SHANK2: variants seen among roughly 807,000 people sequenced by gnomAD.
SHANK2 encodes the protein SH3 and multiple ankyrin repeat domains 2.
SHANK2 carries 43 observed loss-of-function variants against 133.7 expected under a neutral mutation model. The observed-to-expected ratio is 0.32, with a 90% CI of 0.25 to 0.41. The LOEUF is 0.41. SHANK2 is among the 10% of genes least tolerant of loss of function. The pLI is 1.00. For synonymous variants in SHANK2, 1,017 were observed against 952.8 expected, an observed-to-expected ratio of 1.07 and a Z score of -1.24; for missense variants, 1,994 against 2,235.8, an observed-to-expected ratio of 0.89 and a Z score of 2.18.
At chr11:70,572,062 G>A (rs1003861850) in intron 17 of SHANK2, among the ~76,000 whole-genome samples, 46 of 152,222 alleles carry the variant, frequency 3.0e-4, no homozygotes, top group African/African-American at 9.6e-4. Context: ...CACAGCGTGA[G>A]AAGGCGGCCA....
intron 14 of SHANK2, among the ~76,000 whole-genome samples, chr11:70,732,857 GC>G (rs1555032587): frequency 6.6e-6 from 1 of 152,262 alleles, no homozygotes; most frequent in African/African-American, 2.4e-5. Flanking sequence ...CAGGGGACAG[GC>G]CTGCCGGCTC....
chr11:70,674,190 C>T (rs2134346684), intron 15 of SHANK2, among the ~76,000 whole-genome samples: 1 of 152,318 alleles, frequency 6.6e-6, no homozygotes, highest in Non-Finnish European at 1.5e-5. Context: ...CTGAAGCTCT[C>T]ACCAGAAGCA....
At chr11:70,574,468 C>G (rs572764437) in intron 17 of SHANK2, among the ~76,000 whole-genome samples, 1 of 152,362 alleles carries the variant, frequency 6.6e-6, no homozygotes, top group South Asian at 2.1e-4. Flanking sequence ...CCTAATGTCT[C>G]CCATTCATTC....
chr11:71,085,230 G>C (rs1004214204), intron 8 of SHANK2, among the ~76,000 whole-genome samples: 1 of 151,812 alleles, frequency 6.6e-6, no homozygotes, highest in Non-Finnish European at 1.5e-5. Flanking sequence ...GTTGAGGAGG[G>C]CAGATCACTT....
rs117425904 is a variant in SHANK2, at chr11:70,765,910, C to A, written c.1777+32533G>T. Among the ~76,000 whole-genome samples the A allele has an allele frequency of 3.6e-3, 554 of 152,274 alleles. 5 individuals are homozygous for A. Among genetic ancestry groups the A allele is most frequent in the East Asian group, 0.028 (147 of 5,180 alleles). On this transcript the variant is annotated intron_variant, in intron 14 of 25. Coordinates refer to ENST00000601538, the MANE Select transcript of SHANK2 (RefSeq NM_012309.5). Reference sequence around the variant, plus strand: ...TGGGAGGAAGTAGAGGACATCTGTACGGGGTGAGCACCTTGGAAACGGGAA... The same window carrying A: ...TGGGAGGAAGTAGAGGACATCTGTAAGGGGTGAGCACCTTGGAAACGGGAA...
At chr11:70,855,928 T>C (rs1264349106) in intron 11 of SHANK2, among the ~76,000 whole-genome samples, 4 of 151,970 alleles carry the variant, frequency 2.6e-5, no homozygotes, top group African/African-American at 9.7e-5. Context: ...GATGAATGCA[T>C]GGATAGAGAG....
intron 8 of SHANK2, among the ~76,000 whole-genome samples, chr11:71,081,794 C>G (rs1951304196): frequency 6.6e-6 from 1 of 152,226 alleles, no homozygotes; most frequent in Non-Finnish European, 1.5e-5. Context: ...CCTGAAAGCA[C>G]AGCTCACTGT....
Position 71,098,228 on chromosome 11 carries a change from T to C in SHANK2, c.593-3540A>G, listed in dbSNP as rs192785377. On this transcript the variant is annotated intron_variant, in intron 6 of 25. Transcript: ENST00000601538. The stretch of plus-strand genomic sequence containing the variant: ...CTGTGCGTGTGCATGCCTGTGTGTC[T>C]ACATGCCTGTGTGCATGTGCATGCC... Among the ~76,000 whole-genome samples, 2 of 151,376 alleles carry C rather than the reference T, an allele frequency of 1.3e-5. 1 individual carries two copies. Among genetic ancestry groups the C allele is most frequent in the East Asian group, 3.9e-4 (2 of 5,094 alleles).
intron 3 of SHANK2, among the ~76,000 whole-genome samples, chr11:71,120,862 C>A (rs1952072809): frequency 6.6e-6 from 1 of 152,202 alleles, no homozygotes; most frequent in African/African-American, 2.4e-5. Context: ...CCCATGGCTC[C>A]CTCCCTGACA....
At chr11:71,129,911 A>G (rs1952266342) in intron 3 of SHANK2, among the ~76,000 whole-genome samples, 1 of 152,130 alleles carries the variant, frequency 6.6e-6, no homozygotes, top group Non-Finnish European at 1.5e-5. Flanking sequence ...CCCATTCTGG[A>G]AGCCATAAGT....
intron 1 of SHANK2, among the ~76,000 whole-genome samples, chr11:71,228,285 A>G (rs1954677166): frequency 6.6e-6 from 1 of 152,250 alleles, no homozygotes; most frequent in Admixed American, 6.5e-5. Flanking sequence ...TTTTTTTGAG[A>G]AAAAGAAATC....
intron 25 of SHANK2, among the ~76,000 whole-genome samples, chr11:70,476,924 G>A (rs145165838): frequency 1.1e-4 from 16 of 152,330 alleles, no homozygotes; most frequent in Non-Finnish European, 1.6e-4. Context: ...TATTCACCAC[G>A]GGTATCTCTG....
At chr11:70,875,211 C>T (rs1019766704) in intron 11 of SHANK2, among the ~76,000 whole-genome samples, 1 of 152,090 alleles carries the variant, frequency 6.6e-6, no homozygotes, top group South Asian at 2.1e-4. Flanking sequence ...ATTTGGAATT[C>T]TCTCCAGATG....
intron 8 of SHANK2, among the ~76,000 whole-genome samples, chr11:71,080,815 C>T (rs1386648454): frequency 2.6e-5 from 4 of 152,208 alleles, no homozygotes; most frequent in Non-Finnish European, 5.9e-5. Flanking sequence ...GCCCCGCATA[C>T]CACGGTTTTC....
At chr11:70,514,825 A>G (rs952484028) in intron 17 of SHANK2, among the ~76,000 whole-genome samples, 1 of 152,246 alleles carries the variant, frequency 6.6e-6, no homozygotes, top group Non-Finnish European at 1.5e-5. Context: ...CTGAGGAGAT[A>G]AACAGAAGAC....
chr11:70,820,750 T>C (rs1025794886), intron 11 of SHANK2, 68 bp from the exon 12 acceptor site: 1 of 605,010 alleles, frequency 1.7e-6, no homozygotes, highest in East Asian at 2.8e-5. Flanking sequence ...GTGGGGACCC[T>C]AGGGAGGTGC....
chr11:71,072,451 G>A (rs1323915812), intron 9 of SHANK2, among the ~76,000 whole-genome samples: 2 of 152,202 alleles, frequency 1.3e-5, no homozygotes, highest in East Asian at 1.9e-4. Flanking sequence ...ATACATTCAC[G>A]TCCTGCTCTC....
At chr11:70,778,295 C>T (rs139916963) in intron 14 of SHANK2, among the ~76,000 whole-genome samples, 96 of 152,326 alleles carry the variant, frequency 6.3e-4, no homozygotes, top group African/African-American at 2.2e-3. Flanking sequence ...TCTCTGCCTT[C>T]GGCTCACACA....
chr11:71,231,283 G>A (rs1555122923), intron 1 of SHANK2, among the ~76,000 whole-genome samples: 1 of 152,136 alleles, frequency 6.6e-6, no homozygotes, highest in Non-Finnish European at 1.5e-5. Flanking sequence ...TTTTTCAAGA[G>A]GATATACAGA....
Sources: gnomAD v4.1 joint callset for allele counts (sites outside exome capture counted in the v4.1 genomes callset) on GRCh38, gnomAD v4.1.1 for gene constraint, MANE v1.5 for transcripts, NCBI Gene and HGNC (gene_info 2026-07-23, HGNC 2026-07-21) for gene names.